The following ATP6V1E2 variants were observed in gnomAD, a reference collection of about 807,000 sequenced individuals.
ATP6V1E2 encodes the protein ATPase H+ transporting V1 subunit E2, also known as V-type proton ATPase subunit E 2.
For missense variants in ATP6V1E2, 308 were observed against 273.3 expected (o/e 1.13, Z -0.90); for synonymous variants, 121 against 104.2 (o/e 1.16, Z -0.98).
chr2:46,513,210 C>G (rs1364702769), intron 4 of ATP6V1E2, among the ~76,000 whole-genome samples: 1 of 78,022 alleles, frequency 1.3e-5, no homozygotes, highest in African/African-American at 3.4e-5. Context: ...GGATTTAATC[C>G]AGCCAGGATT....
rs1572728338 is a variant in ATP6V1E2, at chr2:46,542,565, A to C, written c.-722T>G. On this transcript the variant is annotated 5_prime_UTR_variant, in exon 1 of 5. Transcript: ENST00000522587. ...TGCGCCGGCAGGGCCGCGCGGCGGC[A>C]GCAGGCGGGGGCGCGTGGCGCGGGC... 6.8e-6 allele frequency: 1 copy of C among 147,438 alleles called. No homozygotes were observed. The highest frequency in any genetic ancestry group is 1.5e-5 in the Non-Finnish European group (1 of 66,436). 9.1% of individuals were successfully genotyped at this position (147,438 alleles called of 1,614,324 possible). A position where few individuals can be genotyped will look rare whatever the true frequency, so the allele number is the denominator to read the frequency against.
intron 4 of ATP6V1E2, among the ~76,000 whole-genome samples, chr2:46,517,741 T>A (rs1666348504): frequency 6.6e-6 from 1 of 152,200 alleles, no homozygotes; most frequent in Non-Finnish European, 1.5e-5. Flanking sequence ...GAAAACATCA[T>A]GTGCTCAACA....
At chr2:46,523,447 T>C (rs912721648) in intron 4 of ATP6V1E2, among the ~76,000 whole-genome samples, 1 of 152,256 alleles carries the variant, frequency 6.6e-6, no homozygotes, top group East Asian at 1.9e-4. Flanking sequence ...TTCAGTTTTC[T>C]GCATATGGCT....
chr2:46,525,241 G>A (rs1029474210), intron 4 of ATP6V1E2, among the ~76,000 whole-genome samples: 11 of 151,990 alleles, frequency 7.2e-5, no homozygotes, highest in African/African-American at 2.7e-4. Flanking sequence ...TTGGGAGGCC[G>A]AGGCGGGCGG....
chr2:46,512,252 C>T lies in ATP6V1E2; in HGVS notation c.460G>A (p.Glu154Lys), dbSNP rs777367668. 64 of 1,613,618 alleles carry T rather than the reference C, an allele frequency of 4.0e-5. No individual in the cohort carries two copies. Among genetic ancestry groups the T allele is most frequent in the Non-Finnish European group, 5.3e-5 (62 of 1,179,740 alleles). Residue 154 changes from glutamate (E) to lysine (K), a missense_variant, in exon 5 of 5, where the codon GAG becomes AAG. Glu to Lys is a moderately conservative substitution (Grantham distance 56). Transcript: ENST00000522587. ...VEAAVQKAIPEYMTISQKHVE... is the reference protein window; with the variant it reads ...VEAAVQKAIPKYMTISQKHVE... ...TGTTTCTGGGAAATTGTCATGTACT[C>T]GGGGATGGCTTTTTGTACAGCAGCC... is the stretch of plus-strand genomic sequence containing the variant.
chr2:46,520,577 T>C (rs1666565675), intron 4 of ATP6V1E2, among the ~76,000 whole-genome samples: 1 of 152,242 alleles, frequency 6.6e-6, no homozygotes, highest in Non-Finnish European at 1.5e-5. Context: ...TTGGCTATAA[T>C]GCTTCCCTCC....
chr2:46,539,570 C>T (rs1667622338), intron 2 of ATP6V1E2, among the ~76,000 whole-genome samples: 1 of 152,252 alleles, frequency 6.6e-6, no homozygotes, highest in Non-Finnish European at 1.5e-5. Context: ...GACTGCCCAA[C>T]CCATGCCAGA....
intron 4 of ATP6V1E2, among the ~76,000 whole-genome samples, chr2:46,524,650 A>AAGGGGCCAGTC (rs1430420278): frequency 1.3e-5 from 2 of 152,182 alleles, no homozygotes; most frequent in Non-Finnish European, 2.9e-5. Context: ...CCCTGTGGGC[A>AAGGGGCCAGTC]AGGGGCCAGT....
chr2:46,522,558 A>G (rs1251576780), intron 4 of ATP6V1E2, among the ~76,000 whole-genome samples: 1 of 152,172 alleles, frequency 6.6e-6, no homozygotes, highest in Non-Finnish European at 1.5e-5. Context: ...ATGCCCCTGT[A>G]AAGGATATGA....
Position 46,512,579 on chromosome 2 carries a change from G to A in ATP6V1E2, c.133C>T (p.Leu45Phe), listed in dbSNP as rs1687518281. 6.2e-7 allele frequency: 1 copy of A among 1,614,056 alleles called. No individual in the cohort carries two copies. Among genetic ancestry groups the A allele is most frequent in the African/African-American group, 1.3e-5 (1 of 74,896 alleles). The change falls in exon 5 of 5, where the codon CTC (leucine) becomes TTC (phenylalanine). Residue 45 changes from leucine to phenylalanine, a missense_variant. Physicochemically the swap from Leu to Phe is conservative, Grantham distance 22 (BLOSUM62 0). Coordinates refer to ENST00000522587, the MANE Select transcript of ATP6V1E2 (RefSeq NM_001318063.2). ...ATCTTCAGTCGTTGGGTTTGCACGA[G>A]GCGTCCTTTCTCAATGTTAAACTCT... ...EEEFNIEKGR[L>F]VQTQRLKIME...
At chr2:46,522,162 C>T (rs747006166) in intron 4 of ATP6V1E2, among the ~76,000 whole-genome samples, 9 of 151,140 alleles carry the variant, frequency 6.0e-5, no homozygotes, top group Non-Finnish European at 8.8e-5. Context: ...TGATGGTGTG[C>T]GCCTGTGGTC....
chr2:46,518,758 T>TTTTG (rs71394897), intron 4 of ATP6V1E2, among the ~76,000 whole-genome samples: 7 of 140,716 alleles, frequency 5.0e-5, no homozygotes, highest in South Asian at 4.5e-4. Flanking sequence ...CAAGTCAATT[T>TTTTG]TGTGTGTGTG....
At chr2:46,521,834 G>A (rs1666642019) in intron 4 of ATP6V1E2, among the ~76,000 whole-genome samples, 1 of 152,044 alleles carries the variant, frequency 6.6e-6, no homozygotes, top group African/African-American at 2.4e-5. Flanking sequence ...GGGACTACAG[G>A]TGCATGCCAC....
At chr2:46,531,868 TA>T (rs564759417) in intron 4 of ATP6V1E2, among the ~76,000 whole-genome samples, 55 of 152,294 alleles carry the variant, frequency 3.6e-4, no homozygotes, top group African/African-American at 1.3e-3. Flanking sequence ...TTTGCCCCTT[TA>T]AAAAAATAAA....
Position 46,512,349 on chromosome 2 carries a change from GAGCACCAGTTTA to G in ATP6V1E2, c.351_362del (p.Lys118_Leu121del), listed in dbSNP as rs1252815144. On this transcript the variant is annotated inframe_deletion, in exon 5 of 5. Transcript: ENST00000522587. ...GTTCCAGCAGTCGGAGCAGACCCTGGAGCACCAGTTTATCCAGCAGCCCCTGGTAGACCTCTG... is the reference window on the plus strand; with the variant it reads ...GTTCCAGCAGTCGGAGCAGACCCTGGTCCAGCAGCCCCTGGTAGACCTCTG... 1.9e-6 allele frequency: 3 copies of G among 1,613,798 alleles called. No homozygotes were observed. In the African/African-American group the frequency reaches 4.0e-5, roughly 22 times the overall value.
At chr2:46,518,486 ACACAAC>A (rs924706547) in intron 4 of ATP6V1E2, among the ~76,000 whole-genome samples, 1 of 81,280 alleles carries the variant, frequency 1.2e-5, no homozygotes, top group African/African-American at 5.3e-5. Context: ...ACACACACAC[ACACAAC>A]ACACACACAC....
rs1377115893 is a variant in ATP6V1E2 at position 46,530,452 on chromosome 2, G to C, written c.-102+5361C>G. Among the ~76,000 whole-genome samples, 1 of 152,092 alleles carries C rather than the reference G, an allele frequency of 6.6e-6. No homozygotes were observed. The highest frequency in any genetic ancestry group is 1.5e-5 in the Non-Finnish European group (1 of 68,026). On this transcript the variant is annotated intron_variant, in intron 4 of 4. Transcript: ENST00000522587. This position sits in a 1 kb window ranked among gnomAD's most constrained non-coding sequence, Gnocchi z 5.2. ...AGAGGTCAAACAGTTTGTCATTTAG[G>C]TCTTCAAACACAAAGGTTCTCATTA...
At position 46,512,336 on chromosome 2, in the gene ATP6V1E2, G is replaced by A. The variant is rs780845327; in HGVS notation, c.376C>T (p.Arg126Ter). 24 of 1,613,358 alleles carry A rather than the reference G, an allele frequency of 1.5e-5. No individual in the cohort carries two copies. In the East Asian group the frequency reaches 1.6e-4, roughly 10 times the overall value. ...LDKLVLQGLL[R>*]LLEPVMIVRC... ...ACAATCATCACAGGTTCCAGCAGTC[G>A]GAGCAGACCCTGGAGCACCAGTTTA... Residue 126 changes from arginine (R) to a stop codon, truncating the protein, a stop_gained, in exon 5 of 5, where the codon CGA becomes TGA. Transcript: ENST00000522587. LOFTEE classifies it low-confidence loss of function (END_TRUNC).
chr2:46,512,376 G>A lies in ATP6V1E2; in HGVS notation c.336C>T (p.Tyr112=). 2 of 1,614,098 alleles carry A rather than the reference G, an allele frequency of 1.2e-6. No homozygotes were observed. Among genetic ancestry groups the A allele is most frequent in the Non-Finnish European group, 1.7e-6 (2 of 1,180,028 alleles). The change falls in exon 5 of 5, where the codon TAC becomes TAT. Residue 112 remains tyrosine (Y), a synonymous_variant. Coordinates refer to ENST00000522587, the MANE Select transcript of ATP6V1E2 (RefSeq NM_001318063.2). ...LSRIVEDPEV[Y]QGLLDKLVLQ... ...GCACCAGTTTATCCAGCAGCCCCTG[G>A]TAGACCTCTGGGTCCTCCACAATCC...
Sources: gnomAD v4.1 joint callset for allele counts (sites outside exome capture counted in the v4.1 genomes callset) on GRCh38, gnomAD v4.1.1 for gene constraint, Gnocchi (gnomAD v3.1) non-coding constraint, MANE v1.5 for transcripts, NCBI Gene and HGNC (gene_info 2026-07-23, HGNC 2026-07-21) for gene names.